The following BTBD9 variants were observed in gnomAD, a reference collection of about 807,000 sequenced individuals.
BTBD9 encodes BTB/POZ domain-containing protein 9.
In BTBD9, 49 loss-of-function variants were observed where a neutral mutation model predicts 64.3. That is an observed-to-expected ratio of 0.76 (90% CI 0.61 to 0.97). The LOEUF (loss-of-function observed/expected upper bound fraction) is 0.97. Ranked by LOEUF, BTBD9 falls within the 50% of genes least tolerant of loss-of-function variation. The pLI is 0.00. For synonymous variants in BTBD9, 260 were observed against 274.7 expected, an observed-to-expected ratio of 0.95 and a Z score of 0.53; for missense variants, 598 against 762.1, an observed-to-expected ratio of 0.78 and a Z score of 2.53.
At chr6:38,284,777 C>A (rs376513534) in intron 8 of BTBD9, among the ~76,000 whole-genome samples, 13 of 151,652 alleles carry the variant, frequency 8.6e-5, no homozygotes, top group African/African-American at 3.2e-4. Context: ...AGATAATGGA[C>A]GGTTAGAGAA....
At chr6:38,339,988 G>A (rs962884950) in intron 7 of BTBD9, among the ~76,000 whole-genome samples, 1 of 152,148 alleles carries the variant, frequency 6.6e-6, no homozygotes, top group Non-Finnish European at 1.5e-5. Context: ...GTTCATAGCT[G>A]TTATGTATGT....
intron 7 of BTBD9, among the ~76,000 whole-genome samples, chr6:38,317,176 T>A (rs1763059483): frequency 6.6e-6 from 1 of 152,056 alleles, no homozygotes; most frequent in African/African-American, 2.4e-5. Context: ...TTGGTATTTT[T>A]AGTAGAGACA....
At chr6:38,198,767 A>G (rs1762355313) in intron 9 of BTBD9, among the ~76,000 whole-genome samples, 1 of 152,234 alleles carries the variant, frequency 6.6e-6, no homozygotes, top group African/African-American at 2.4e-5. Context: ...CTAAAATGGC[A>G]CTAAAGAAAT....
At chr6:38,634,623 C>T (rs1248407798) in intron 1 of BTBD9, among the ~76,000 whole-genome samples, 3 of 151,728 alleles carry the variant, frequency 2.0e-5, no homozygotes, top group Non-Finnish European at 4.4e-5. Flanking sequence ...GTCAAATGCA[C>T]ATAGCTACAC....
chr6:38,374,305 A>ATATATATATATATATATATATATG (rs1459305916), intron 6 of BTBD9, among the ~76,000 whole-genome samples: 1 of 66,616 alleles, frequency 1.5e-5, no homozygotes, highest in Non-Finnish European at 3.0e-5. Flanking sequence ...ATGTATATAT[A>ATATATATATATATATATATATATG]TGTATATATA....
chr6:38,325,349 T>C (rs1763380958), intron 7 of BTBD9, among the ~76,000 whole-genome samples: 1 of 152,150 alleles, frequency 6.6e-6, no homozygotes, highest in Admixed American at 6.5e-5. Context: ...GGATGGCATA[T>C]ACGATTAACA....
At chr6:38,293,875 G>A (rs1385951353) in intron 7 of BTBD9, among the ~76,000 whole-genome samples, 1 of 152,064 alleles carries the variant, frequency 6.6e-6, no homozygotes, top group Non-Finnish European at 1.5e-5. Flanking sequence ...TCATCAGAGT[G>A]AACAGGCAAC....
At chr6:38,630,899 C>T (rs1397737099) in intron 1 of BTBD9, among the ~76,000 whole-genome samples, 2 of 152,206 alleles carry the variant, frequency 1.3e-5, no homozygotes, top group African/African-American at 4.8e-5. Flanking sequence ...GCAGACTCAT[C>T]TAAGCCATGC....
At chr6:38,421,719 A>G (rs1767911225) in intron 6 of BTBD9, among the ~76,000 whole-genome samples, 1 of 152,248 alleles carries the variant, frequency 6.6e-6, no homozygotes, top group African/African-American at 2.4e-5. Context: ...TTGAGATGAT[A>G]ACAAACAGTA....
intron 6 of BTBD9, among the ~76,000 whole-genome samples, chr6:38,374,141 C>T (rs1308639958): frequency 6.7e-5 from 10 of 150,012 alleles, no homozygotes; most frequent in East Asian, 3.9e-4. Flanking sequence ...TGGTGGCACA[C>T]GCTTGTAATC....
At chr6:38,234,544 TA>T (rs1763716067) in intron 9 of BTBD9, among the ~76,000 whole-genome samples, 1 of 152,242 alleles carries the variant, frequency 6.6e-6, no homozygotes, top group African/African-American at 2.4e-5. Flanking sequence ...GAAGAAACTT[TA>T]GAAGTAAATC....
At position 38,252,506 on chromosome 6, in the gene BTBD9, G is replaced by A. The variant is rs76092104; in HGVS notation, c.1562+3903C>T. Among the ~76,000 whole-genome samples, 453 of 152,178 alleles carry A rather than the reference G, an allele frequency of 3.0e-3. 1 individual carries two copies. Among genetic ancestry groups the A allele is most frequent in the African/African-American group, 9.9e-3 (410 of 41,528 alleles). ...CTCTGGTTCCATTGATTCTTACAAG[G>A]TTAACAGGCATATTTGCCTTCTTAT... On this transcript the variant is annotated intron_variant, in intron 9 of 10. Coordinates refer to ENST00000481247, the MANE Select transcript of BTBD9 (RefSeq NM_001099272.2).
In BTBD9 at chr6:38,593,969, A is replaced by C; in HGVS notation, c.544T>G (p.Ser182Ala). The change falls in exon 3 of 11, where the codon TCT (serine) becomes GCT (alanine). Residue 182 changes from serine (S) to alanine (A), a missense_variant. Physicochemically the swap from Ser to Ala is moderately conservative, Grantham distance 99 (BLOSUM62 1). Coordinates refer to ENST00000481247, the MANE Select transcript of BTBD9 (RefSeq NM_001099272.2). Reference protein sequence around the residue: ...VLSSEGFLSLSKTALLNIVLR... With the variant: ...VLSSEGFLSLAKTALLNIVLR... ...CTTGTAGACAAATGACACACCTTAG[A>C]AAGGGAGAGGAAACCTTCACTTGAG... is the stretch of plus-strand genomic sequence containing the variant. 6.2e-7 allele frequency: 1 copy of C among 1,611,420 alleles called. No homozygotes were observed. Among genetic ancestry groups the C allele is most frequent in the Non-Finnish European group, 8.5e-7 (1 of 1,178,584 alleles).
intron 9 of BTBD9, among the ~76,000 whole-genome samples, chr6:38,237,723 A>C (rs958130310): frequency 1.3e-5 from 2 of 152,200 alleles, no homozygotes; most frequent in Non-Finnish European, 2.9e-5. Flanking sequence ...AAAAGTGCTG[A>C]ATCTTATGGT....
chr6:38,615,759 C>T (rs779519023), intron 1 of BTBD9, among the ~76,000 whole-genome samples: 16 of 152,328 alleles, frequency 1.1e-4, no homozygotes, highest in Middle Eastern at 3.4e-3. Context: ...CCCTATTCAC[C>T]TCAGTGCCTA....
At chr6:38,205,355 G>C (rs1218775903) in intron 9 of BTBD9, among the ~76,000 whole-genome samples, 4 of 152,084 alleles carry the variant, frequency 2.6e-5, no homozygotes, top group African/African-American at 9.7e-5. Context: ...CTGGGAATCA[G>C]GTTCACATAA....
At chr6:38,587,177 T>G in intron 4 of BTBD9, 1 of 171,770 alleles carries the variant, frequency 5.8e-6, no homozygotes, top group East Asian at 1.8e-4. Context: ...AACCGAGGGG[T>G]CAGTGACCAC....
At chr6:38,584,212 C>T (rs1776411532) in intron 4 of BTBD9, among the ~76,000 whole-genome samples, 1 of 152,108 alleles carries the variant, frequency 6.6e-6, no homozygotes, top group Non-Finnish European at 1.5e-5. Context: ...TCTATAATCC[C>T]AGCTACCTGG....
At chr6:38,362,350 C>T (rs895619255) in intron 6 of BTBD9, among the ~76,000 whole-genome samples, 12 of 152,166 alleles carry the variant, frequency 7.9e-5, no homozygotes, top group Admixed American at 2.0e-4. Context: ...GAGACCATTC[C>T]TTGTTCATTT....
Sources: gnomAD v4.1 joint callset for allele counts (sites outside exome capture counted in the v4.1 genomes callset) on GRCh38, gnomAD v4.1.1 for gene constraint, MANE v1.5 for transcripts, NCBI Gene and HGNC (gene_info 2026-07-23, HGNC 2026-07-21) for gene names.